Variants in ENTHD1 observed in about 807,000 individuals in gnomAD.
ENTHD1 encodes the protein ENTH domain-containing protein 1.
Under a neutral mutation model 39.1 loss-of-function variants are expected in ENTHD1, and 23 were observed. The ratio of observed to expected loss-of-function variants is 0.59; its 90% confidence interval spans 0.42 to 0.83. ENTHD1 has a LOEUF of 0.83. Among genes scored for constraint, ENTHD1 ranks in the 40% least tolerant of loss-of-function variants. The pLI, the probability that ENTHD1 is intolerant of heterozygous loss-of-function variation, is 0.00. For missense variants in ENTHD1, 624 were observed against 705.4 expected (o/e 0.88, Z 1.31); for synonymous variants, 230 against 258.2 (o/e 0.89, Z 1.05).
intron 3 of ENTHD1, among the ~76,000 whole-genome samples, chr22:39,840,850 G>A (rs972178875): frequency 1.3e-5 from 2 of 151,940 alleles, no homozygotes; most frequent in African/African-American, 4.8e-5. Context: ...CGCCTCCCAG[G>A]TTCACCATTC....
intron 3 of ENTHD1, among the ~76,000 whole-genome samples, chr22:39,854,634 C>A: frequency 6.6e-6 from 1 of 151,722 alleles, no homozygotes; most frequent in Non-Finnish European, 1.5e-5. Context: ...CTTCAAACTT[C>A]AAAAGCATCG....
rs186093808 is a variant in ENTHD1 at position 39,843,978 on chromosome 22, C to T, written c.593-8020G>A. On this transcript the variant is annotated intron_variant, in intron 3 of 6. Coordinates refer to ENST00000325157, the MANE Select transcript of ENTHD1 (RefSeq NM_152512.4). ...CAATCTCTATGTTTCTGCTTTATTGCTCTGCTTCCATTTACCTGAGAAATG... is the reference window on the plus strand; with the variant it reads ...CAATCTCTATGTTTCTGCTTTATTGTTCTGCTTCCATTTACCTGAGAAATG... Among the ~76,000 whole-genome samples, 286 of 152,280 alleles carry T rather than the reference C, an allele frequency of 1.9e-3. 2 individuals are homozygous for T. The highest frequency in any genetic ancestry group is 2.1e-3 in the East Asian group (11 of 5,184).
chr22:39,798,383 C>T (rs1317859637), intron 5 of ENTHD1, among the ~76,000 whole-genome samples: 3 of 151,978 alleles, frequency 2.0e-5, no homozygotes, highest in African/African-American at 7.3e-5. Context: ...ATTGGATTGG[C>T]TTTTGTAGGT....
intron 4 of ENTHD1, among the ~76,000 whole-genome samples, chr22:39,822,191 GT>G (rs2065788059): frequency 6.8e-6 from 1 of 146,450 alleles, no homozygotes; most frequent in South Asian, 2.2e-4. Flanking sequence ...TAGCTGGTAT[GT>G]CTTTTTTTTT....
chr22:39,813,671 CA>C (rs972737537), intron 5 of ENTHD1, among the ~76,000 whole-genome samples: 1 of 152,208 alleles, frequency 6.6e-6, no homozygotes, highest in Non-Finnish European at 1.5e-5. Context: ...AGTCCACGAT[CA>C]CACTTTCATT....
chr22:39,746,723 C>T (rs578141161), intron 6 of ENTHD1, among the ~76,000 whole-genome samples: 2 of 152,312 alleles, frequency 1.3e-5, no homozygotes, highest in South Asian at 2.1e-4. Flanking sequence ...AAAGGTCTAG[C>T]TACCAGGGTG....
At chr22:39,760,507 G>A (rs1424187702) in intron 6 of ENTHD1, among the ~76,000 whole-genome samples, 1 of 151,868 alleles carries the variant, frequency 6.6e-6, no homozygotes, top group Non-Finnish European at 1.5e-5. Flanking sequence ...ATCAATTTAT[G>A]TCTTTGTATT....
chr22:39,784,644 C>T lies in ENTHD1; in HGVS notation c.833-19035G>A, dbSNP rs1372686142. Among the ~76,000 whole-genome samples, 6 of 151,290 alleles carry T rather than the reference C, an allele frequency of 4.0e-5. No homozygotes were observed. In the East Asian group the frequency reaches 1.2e-3, roughly 29 times the overall value. ...TCATTTGCAGCAACATGGATGGAAC[C>T]GTAGGTCATCATTTTACATCAAATA... On this transcript the variant is annotated intron_variant, in intron 5 of 6. Coordinates refer to ENST00000325157, the MANE Select transcript of ENTHD1 (RefSeq NM_152512.4).
chr22:39,848,496 C>G (rs563599033), intron 3 of ENTHD1, among the ~76,000 whole-genome samples: 1 of 152,308 alleles, frequency 6.6e-6, no homozygotes, highest in Non-Finnish European at 1.5e-5. Context: ...TCATGATCCA[C>G]CTACCTTGGC....
rs142371044 is a variant in ENTHD1, at chr22:39,777,267, T to A, written c.833-11658A>T. Among the ~76,000 whole-genome samples the A allele has an allele frequency of 6.0e-3, 916 of 152,350 alleles. 4 individuals are homozygous for A. The highest frequency in any genetic ancestry group is 0.021 in the African/African-American group (876 of 41,578). ...TAAAAGACAAGCAACCAAGTTAAAA[T>A]GAATATTGAATGTGCAACTTAAATA... On this transcript the variant is annotated intron_variant, in intron 5 of 6. Coordinates refer to ENST00000325157, the MANE Select transcript of ENTHD1 (RefSeq NM_152512.4).
intron 5 of ENTHD1, among the ~76,000 whole-genome samples, chr22:39,792,067 T>A (rs889071518): frequency 1.3e-5 from 2 of 152,230 alleles, no homozygotes; most frequent in South Asian, 2.1e-4. Flanking sequence ...GGACATGATC[T>A]CATTCTTTTT....
intron 2 of ENTHD1, among the ~76,000 whole-genome samples, chr22:39,875,031 A>C (rs1009791760): frequency 6.6e-6 from 1 of 152,216 alleles, no homozygotes. Flanking sequence ...GAATGTTCAT[A>C]AGAGTTTTAT....
intron 5 of ENTHD1, among the ~76,000 whole-genome samples, chr22:39,772,229 A>T (rs1345801476): frequency 6.6e-6 from 1 of 152,136 alleles, no homozygotes; most frequent in East Asian, 1.9e-4. Flanking sequence ...GCAGTTCATA[A>T]TAGGGTGCTC....
At chr22:39,892,039 G>A (rs2066431328) in intron 1 of ENTHD1, among the ~76,000 whole-genome samples, 1 of 152,070 alleles carries the variant, frequency 6.6e-6, no homozygotes, top group Non-Finnish European at 1.5e-5. Flanking sequence ...TAATTGTCAA[G>A]TAAAATTCTA....
At chr22:39,767,651 A>T (rs1437404599) in intron 5 of ENTHD1, among the ~76,000 whole-genome samples, 1 of 152,236 alleles carries the variant, frequency 6.6e-6, no homozygotes, top group Non-Finnish European at 1.5e-5. Context: ...AAAACAAGAC[A>T]AAAATGTTTT....
rs1484614276 is a variant in ENTHD1 at position 39,780,392 on chromosome 22, C to T, written c.833-14783G>A. Among the ~76,000 whole-genome samples, 5 of 143,498 alleles carry T rather than the reference C, an allele frequency of 3.5e-5. No individual in the cohort carries two copies. The South Asian group carries it at 8.8e-4, about 25-fold the overall frequency. 94.1% of individuals were successfully genotyped at this position (143,498 alleles called of 152,430 possible). On this transcript the variant is annotated intron_variant, in intron 5 of 6. Transcript: ENST00000325157. ...ACTAGTCTCAAAAAAAAAAAAAATA[C>T]TGTGGACTCAATTCTCCAATTAAAA...
intron 3 of ENTHD1, among the ~76,000 whole-genome samples, chr22:39,840,670 A>G (rs1287659820): frequency 1.3e-5 from 2 of 152,216 alleles, no homozygotes; most frequent in South Asian, 2.1e-4. Flanking sequence ...GTCAAGTCTC[A>G]TGGTGCTTAA....
At chr22:39,849,863 T>C (rs1035361530) in intron 3 of ENTHD1, among the ~76,000 whole-genome samples, 3 of 152,324 alleles carry the variant, frequency 2.0e-5, no homozygotes, top group African/African-American at 4.8e-5. Context: ...TACTGACATT[T>C]TTAATTTCTC....
rs1330947654 is a variant in ENTHD1 at position 39,743,939 on chromosome 22, C to G, written c.1564G>C (p.Asp522His). The change falls in exon 7 of 7, where the codon GAC (aspartate) becomes CAC (histidine). Residue 522 changes from aspartate to histidine, a missense_variant. Transcript: ENST00000325157. ...HWGEFSTQNV[D>H]QFIPLSCSGF... ...GAACAGGACAGAGGGATGAACTGGT[C>G]TACATTTTGGGTGGAAAACTCCCCC... 1 of 1,614,110 alleles carries G rather than the reference C, an allele frequency of 6.2e-7. No individual in the cohort carries two copies. The highest frequency in any genetic ancestry group is 2.2e-5 in the East Asian group (1 of 44,886).
Sources: allele counts gnomAD v4.1 joint callset (sites outside exome capture counted in the v4.1 genomes callset), GRCh38; gene constraint gnomAD v4.1.1; transcripts MANE v1.5; gene names NCBI Gene and HGNC (gene_info 2026-07-23, HGNC 2026-07-21).